FAM135B: variants seen among roughly 807,000 people sequenced by gnomAD.
FAM135B encodes the protein family with sequence similarity 135 member B.
Under a neutral mutation model 127.7 loss-of-function variants are expected in FAM135B, and 43 were observed. The ratio of observed to expected loss-of-function variants is 0.34; its 90% confidence interval spans 0.26 to 0.43. The LOEUF is 0.43. FAM135B is among the 20% of genes least tolerant of loss of function. The pLI is 1.00. For synonymous variants in FAM135B, 670 were observed against 665.1 expected, an observed-to-expected ratio of 1.01 and a Z score of -0.11; for missense variants, 1,558 against 1,725.6, an observed-to-expected ratio of 0.90 and a Z score of 1.72.
intron 2 of FAM135B, among the ~76,000 whole-genome samples, chr8:138,353,833 G>A (rs747811962): frequency 3.5e-4 from 53 of 152,186 alleles, no homozygotes; most frequent in Non-Finnish European, 6.8e-4. Flanking sequence ...GCTCAATTAC[G>A]GTTATGAGCT....
intron 14 of FAM135B, among the ~76,000 whole-genome samples, chr8:138,147,507 T>A (rs1159200723): frequency 1.3e-5 from 2 of 152,216 alleles, no homozygotes; most frequent in Non-Finnish European, 2.9e-5. Context: ...TATTCATAAC[T>A]GTTATCAATG....
chr8:138,237,172 T>TTTTGTTG (rs757949667), intron 7 of FAM135B, among the ~76,000 whole-genome samples: 27 of 141,930 alleles, frequency 1.9e-4, no homozygotes, highest in African/African-American at 7.1e-4. Context: ...TTTTTTTTTT[T>TTTTGTTG]TTGTTGGAGA....
intron 3 of FAM135B, among the ~76,000 whole-genome samples, chr8:138,298,774 T>C (rs1825655554): frequency 6.6e-6 from 1 of 152,092 alleles, no homozygotes; most frequent in Admixed American, 6.6e-5. Flanking sequence ...TGTGGATTTT[T>C]AAAAAACTAT....
At chr8:138,272,455 C>T (rs1193117661) in intron 3 of FAM135B, among the ~76,000 whole-genome samples, 2 of 152,124 alleles carry the variant, frequency 1.3e-5, no homozygotes, top group East Asian at 3.9e-4. Context: ...GCAGAAAGTC[C>T]TATTTGTAAG....
At chr8:138,264,718 C>T (rs1362284996) in intron 4 of FAM135B, among the ~76,000 whole-genome samples, 1 of 152,008 alleles carries the variant, frequency 6.6e-6, no homozygotes, top group Non-Finnish European at 1.5e-5. Flanking sequence ...GAATGAGTGA[C>T]AGCTTTTCAA....
chr8:138,225,659 TGC>T (rs1819370667), intron 7 of FAM135B, among the ~76,000 whole-genome samples: 2 of 152,130 alleles, frequency 1.3e-5, no homozygotes, highest in Admixed American at 1.3e-4. Flanking sequence ...AATAAGGCAC[TGC>T]TCTTAGGAGA....
chr8:138,225,676 G>A (rs1030134415), intron 7 of FAM135B, among the ~76,000 whole-genome samples: 2 of 152,106 alleles, frequency 1.3e-5, no homozygotes, highest in African/African-American at 4.8e-5. Flanking sequence ...AGGAGAAAAT[G>A]ATTGAGGGAC....
At chr8:138,239,535 T>G (rs1820566259) in intron 7 of FAM135B, among the ~76,000 whole-genome samples, 1 of 152,256 alleles carries the variant, frequency 6.6e-6, no homozygotes, top group African/African-American at 2.4e-5. Flanking sequence ...TAGTTTCTTT[T>G]GCTGTGCAGA....
At chr8:138,330,795 C>A (rs1563904923) in intron 2 of FAM135B, among the ~76,000 whole-genome samples, 1 of 152,076 alleles carries the variant, frequency 6.6e-6, no homozygotes, top group Non-Finnish European at 1.5e-5. Flanking sequence ...ACATTTCAGG[C>A]AATCAATGAT....
At chr8:138,488,553 G>C (rs1815073451) in intron 1 of FAM135B, among the ~76,000 whole-genome samples, 1 of 152,124 alleles carries the variant, frequency 6.6e-6, no homozygotes, top group African/African-American at 2.4e-5. Context: ...GAACATCAGG[G>C]GATGATCTGT....
chr8:138,211,879 T>G (rs894817637), intron 7 of FAM135B, among the ~76,000 whole-genome samples: 3 of 151,896 alleles, frequency 2.0e-5, no homozygotes, highest in African/African-American at 7.3e-5. Context: ...ACCAGCCTGG[T>G]CAACATGGTG....
chr8:138,268,743 G>A (rs1355007536), intron 3 of FAM135B, among the ~76,000 whole-genome samples: 1 of 152,156 alleles, frequency 6.6e-6, no homozygotes, highest in African/African-American at 2.4e-5. Flanking sequence ...CTCATACTTT[G>A]GGATGGCAGT....
intron 7 of FAM135B, among the ~76,000 whole-genome samples, chr8:138,231,130 C>T (rs1056545895): frequency 1.3e-5 from 2 of 152,154 alleles, no homozygotes; most frequent in African/African-American, 4.8e-5. Context: ...AGCAATTCTC[C>T]TGCCTCAGCC....
At chr8:138,179,153 A>T (rs143877797) in intron 9 of FAM135B, among the ~76,000 whole-genome samples, 73 of 151,982 alleles carry the variant, frequency 4.8e-4, no homozygotes, top group African/African-American at 1.7e-3. Flanking sequence ...ACAAAACTCA[A>T]TTCACCCTAC....
intron 5 of FAM135B, among the ~76,000 whole-genome samples, chr8:138,254,514 C>T (rs9644497): frequency 6.6e-5 from 10 of 151,988 alleles, no homozygotes; most frequent in African/African-American, 2.2e-4. Context: ...ATGACAGAAA[C>T]CCCAGATGGT....
At chr8:138,444,730 C>A (rs1836010419) in intron 1 of FAM135B, among the ~76,000 whole-genome samples, 1 of 151,938 alleles carries the variant, frequency 6.6e-6, no homozygotes, top group South Asian at 2.1e-4. Context: ...CCTAACATCA[C>A]AATTAAAAGA....
At chr8:138,256,440 T>A (rs139997704) in intron 5 of FAM135B, among the ~76,000 whole-genome samples, 1 of 152,258 alleles carries the variant, frequency 6.6e-6, no homozygotes, top group African/African-American at 2.4e-5. Context: ...AAAGTGCCAG[T>A]TAGTAAAGCC....
chr8:138,219,260 T>C (rs1818834147), intron 7 of FAM135B, among the ~76,000 whole-genome samples: 1 of 152,186 alleles, frequency 6.6e-6, no homozygotes, highest in Non-Finnish European at 1.5e-5. Context: ...CAAATACGCC[T>C]TTGGTTTTGC....
intron 12 of FAM135B, among the ~76,000 whole-genome samples, chr8:138,156,648 A>G (rs1377467968): frequency 1.3e-5 from 2 of 152,172 alleles, no homozygotes; most frequent in African/African-American, 4.8e-5. Context: ...ACAAACTACC[A>G]TCAGAGAATA....
Sources: gnomAD v4.1 joint callset for allele counts (sites outside exome capture counted in the v4.1 genomes callset) on GRCh38, gnomAD v4.1.1 for gene constraint, MANE v1.5 for transcripts, NCBI Gene and HGNC (gene_info 2026-07-23, HGNC 2026-07-21) for gene names.